PTPRZ1: variants seen among roughly 807,000 people sequenced by gnomAD.
PTPRZ1 encodes receptor-type tyrosine-protein phosphatase zeta.
PTPRZ1 carries 82 observed loss-of-function variants against 214.1 expected under a neutral mutation model. The observed-to-expected ratio is 0.38, with a 90% confidence interval of 0.32 to 0.46. The LOEUF is 0.46. Among genes scored for constraint, PTPRZ1 ranks in the 20% least tolerant of loss-of-function variants. PTPRZ1 has a pLI of 1.00. For missense variants in PTPRZ1, 2,603 were observed against 2,748.7 expected (o/e 0.95, Z 1.19); for synonymous variants, 945 against 987.9 (o/e 0.96, Z 0.81).
intron 29 of PTPRZ1, among the ~76,000 whole-genome samples, chr7:122,060,763 T>A (rs903786924): frequency 9.2e-5 from 14 of 152,200 alleles, no homozygotes; most frequent in Non-Finnish European, 1.5e-4. Context: ...AGATGTCCAG[T>A]GCCAAACGGT....
At chr7:121,903,299 A>G (rs1471487182) in intron 1 of PTPRZ1, among the ~76,000 whole-genome samples, 1 of 152,198 alleles carries the variant, frequency 6.6e-6, no homozygotes, top group Non-Finnish European at 1.5e-5. Context: ...TGAATTTGCT[A>G]GAAATTCTCT....
chr7:121,995,229 A>AT (rs1465253859), intron 8 of PTPRZ1, among the ~76,000 whole-genome samples: 14 of 152,264 alleles, frequency 9.2e-5, no homozygotes, highest in Non-Finnish European at 1.9e-4. Context: ...TTGTTAACAT[A>AT]TTTTTGAGTC....
At chr7:121,946,648 C>T (rs566005210) in intron 2 of PTPRZ1, among the ~76,000 whole-genome samples, 1 of 152,162 alleles carries the variant, frequency 6.6e-6, no homozygotes, top group East Asian at 1.9e-4. Flanking sequence ...GCTATAACTT[C>T]AAAATACCTC....
At chr7:121,981,374 AC>A (rs1797607729) in intron 6 of PTPRZ1, among the ~76,000 whole-genome samples, 3 of 151,728 alleles carry the variant, frequency 2.0e-5, no homozygotes, top group African/African-American at 7.3e-5. Context: ...AAGGATTAAC[AC>A]CACTGCTCTA....
chr7:121,900,045 G>C (rs761618346), intron 1 of PTPRZ1, among the ~76,000 whole-genome samples: 8 of 152,068 alleles, frequency 5.3e-5, no homozygotes, highest in African/African-American at 9.7e-5. Flanking sequence ...GATGTGAGAG[G>C]GTCAATTACT....
intron 6 of PTPRZ1, among the ~76,000 whole-genome samples, chr7:121,983,265 A>G (rs1331136815): frequency 1.3e-5 from 2 of 152,232 alleles, no homozygotes; most frequent in Non-Finnish European, 2.9e-5. Flanking sequence ...AACACTTTCA[A>G]TAAGTCATTC....
chr7:121,964,927 G>T (rs1461759018), intron 2 of PTPRZ1, among the ~76,000 whole-genome samples: 1 of 152,178 alleles, frequency 6.6e-6, no homozygotes, highest in Non-Finnish European at 1.5e-5. Flanking sequence ...AAAGCAGAAT[G>T]GTAGAGAACC....
intron 20 of PTPRZ1, among the ~76,000 whole-genome samples, chr7:122,040,598 A>G (rs1799693903): frequency 6.6e-6 from 1 of 152,206 alleles, no homozygotes; most frequent in Non-Finnish European, 1.5e-5. Context: ...TGTTGACCAA[A>G]CAATGGGCCA....
At chr7:121,895,060 T>C (rs1794747166) in intron 1 of PTPRZ1, among the ~76,000 whole-genome samples, 1 of 152,222 alleles carries the variant, frequency 6.6e-6, no homozygotes, top group Non-Finnish European at 1.5e-5. Flanking sequence ...TTTATTTGCA[T>C]AAATTGTTTA....
chr7:122,044,516 C>CA lies in PTPRZ1; in HGVS notation c.6033dup (p.Leu2012ThrfsTer28). ...AGTCATATTCATGCCTATGTTAATG[C>CA]ACTCCTCATTCCTGGACCAGCAGGC... On this transcript the variant is annotated frameshift_variant, in exon 23 of 30. Coordinates refer to ENST00000393386, the MANE Select transcript of PTPRZ1 (RefSeq NM_002851.3). LOFTEE classifies it high-confidence loss of function. 6.2e-7 allele frequency: 1 copy of CA among 1,613,846 alleles called. No homozygotes were observed. The highest frequency in any genetic ancestry group is 8.5e-7 in the Non-Finnish European group (1 of 1,179,794).
chr7:121,976,328 G>C (rs535163910), intron 5 of PTPRZ1, 60 bp downstream of exon 5: 1 of 1,041,792 alleles, frequency 9.6e-7, no homozygotes, highest in Non-Finnish European at 1.4e-6. Flanking sequence ...AAATATTGAC[G>C]TGAAATATCA....
chr7:122,026,410 G>A (rs1799207993), intron 13 of PTPRZ1, among the ~76,000 whole-genome samples: 2 of 152,202 alleles, frequency 1.3e-5, no homozygotes, highest in African/African-American at 2.4e-5. Flanking sequence ...GACCTTAAAA[G>A]CATGTATCAA....
intron 2 of PTPRZ1, among the ~76,000 whole-genome samples, chr7:121,938,707 A>T (rs1796159235): frequency 6.7e-6 from 1 of 148,660 alleles, no homozygotes; most frequent in Admixed American, 6.9e-5. Context: ...ATTTACAACG[A>T]TCTCTTTTCT....
chr7:121,922,969 C>A (rs1466451581), intron 1 of PTPRZ1, among the ~76,000 whole-genome samples: 1 of 152,110 alleles, frequency 6.6e-6, no homozygotes, highest in Non-Finnish European at 1.5e-5. Context: ...AGTAGACTAC[C>A]TCCTCACTTT....
At chr7:122,056,487 A>G (rs2150493726) in intron 27 of PTPRZ1, among the ~76,000 whole-genome samples, 1 of 151,992 alleles carries the variant, frequency 6.6e-6, no homozygotes, top group Non-Finnish European at 1.5e-5. Context: ...GGACAGTTTC[A>G]TTAACTTCAG....
At chr7:121,956,329 A>C (rs116523826) in intron 2 of PTPRZ1, among the ~76,000 whole-genome samples, 1,868 of 152,302 alleles carry the variant, frequency 0.012, 33 homozygotes, top group African/African-American at 0.041. Context: ...CAGTCAGGAC[A>C]TGGGCAGACA....
At chr7:121,972,931 T>G (rs376665806) in intron 4 of PTPRZ1, among the ~76,000 whole-genome samples, 1 of 151,450 alleles carries the variant, frequency 6.6e-6, no homozygotes, top group Admixed American at 6.6e-5. Context: ...GCTGATGAAT[T>G]AATGAAGGAA....
chr7:121,873,490 C>T lies in PTPRZ1; in HGVS notation c.-10C>T, dbSNP rs1793947629. Reference sequence around the variant, plus strand: ...GAGCCGCACGGCGAGGGGCCGCAGACCGTCTGGAAATGCGAATCCTAAAGC... The same window carrying T: ...GAGCCGCACGGCGAGGGGCCGCAGATCGTCTGGAAATGCGAATCCTAAAGC... On this transcript the variant is annotated 5_prime_UTR_variant, in exon 1 of 30. Coordinates refer to ENST00000393386, the MANE Select transcript of PTPRZ1 (RefSeq NM_002851.3). 1.2e-6 allele frequency: 2 copies of T among 1,613,762 alleles called. No homozygotes were observed. Among genetic ancestry groups the T allele is most frequent in the Non-Finnish European group, 1.7e-6 (2 of 1,180,030 alleles).
At chr7:122,054,171 C>A in intron 26 of PTPRZ1, 133 bp downstream of exon 26, 1 of 964,348 alleles carries the variant, frequency 1.0e-6, no homozygotes, top group Non-Finnish European at 1.5e-6. Flanking sequence ...TGAAGGCATA[C>A]TCTTCTGCTG....
Sources: allele counts gnomAD v4.1 joint callset (sites outside exome capture counted in the v4.1 genomes callset), GRCh38; gene constraint gnomAD v4.1.1; transcripts MANE v1.5; gene names NCBI Gene and HGNC (gene_info 2026-07-23, HGNC 2026-07-21).